Variants in TOR3A observed in about 807,000 individuals in gnomAD.
The protein encoded by TOR3A is torsin-3A.
In TOR3A, 44 loss-of-function variants were observed where a neutral mutation model predicts 42.1. The ratio of observed to expected loss-of-function variants is 1.04; its 90% CI spans 0.82 to 1.34. The LOEUF (loss-of-function observed/expected upper bound fraction) is 1.34. TOR3A is among the 40% of genes most tolerant of loss of function. The pLI is 0.00. For synonymous variants in TOR3A, 227 were observed against 213.2 expected (o/e 1.06, Z -0.57); for missense variants, 521 against 507.6 (o/e 1.03, Z -0.25).
rs771632462 is a variant in TOR3A at position 179,095,207 on chromosome 1, T to G, written c.1183T>G (p.Phe395Val). 3.0e-5 allele frequency: 49 copies of G among 1,613,988 alleles called. 1 individual carries two copies. The Admixed American group carries it at 3.5e-4, about 12-fold the overall frequency. Residue 395 changes from phenylalanine (F) to valine (V), a missense_variant, in exon 6 of 6, where the codon TTC becomes GTC. By Grantham distance (50) the Phe-to-Val change is conservative. Coordinates refer to ENST00000367627, the MANE Select transcript of TOR3A (RefSeq NM_022371.4). Reference protein sequence around the residue: ...CKSISQRINYFLS With the variant: ...CKSISQRINYVLS Reference sequence around the variant, plus strand: ...GTCTATTTCCCAGAGGATTAACTACTTCCTGTCATGAAGGCTAGAGGAAGA... The same window carrying G: ...GTCTATTTCCCAGAGGATTAACTACGTCCTGTCATGAAGGCTAGAGGAAGA...
chr1:179,090,828 T>C (rs1001260826), intron 4 of TOR3A, among the ~76,000 whole-genome samples: 4 of 152,256 alleles, frequency 2.6e-5, no homozygotes, highest in Non-Finnish European at 5.9e-5. Context: ...GCTGCTGCCC[T>C]GTTCTCATGG....
intron 5 of TOR3A, 100 bp from the exon 6 acceptor site, chr1:179,094,868 C>A: frequency 8.7e-7 from 1 of 1,154,306 alleles, no homozygotes; most frequent in Non-Finnish European, 1.3e-6. Flanking sequence ...ACAGAGCAAG[C>A]CCCTGTTTCA....
At chr1:179,093,460 C>T (rs1013412322) in intron 4 of TOR3A, among the ~76,000 whole-genome samples, 1 of 152,182 alleles carries the variant, frequency 6.6e-6, no homozygotes, top group Non-Finnish European at 1.5e-5. Flanking sequence ...GACCTCCTTT[C>T]ACTTCTCACA....
At chr1:179,091,289 C>T (rs1156898386) in intron 4 of TOR3A, among the ~76,000 whole-genome samples, 1 of 152,138 alleles carries the variant, frequency 6.6e-6, no homozygotes, top group South Asian at 2.1e-4. Flanking sequence ...TCCCAGCGAT[C>T]CAGGTCAGCA....
In TOR3A at chr1:179,095,179, C is replaced by T. The variant is rs1248871425; in HGVS notation, c.1155C>T (p.Cys385=). The T allele has an allele frequency of 6.2e-7, 1 of 1,613,992 alleles. No homozygotes were observed. The highest frequency in any genetic ancestry group is 1.3e-5 in the African/African-American group (1 of 74,882). Residue 385 remains cysteine, a synonymous_variant, in exon 6 of 6, where the codon TGC becomes TGT. Transcript: ENST00000367627. ...KEEQLFSSQG[C]KSISQRINYF... is the part of the protein sequence containing the mutation. ...AACAACTCTTTTCTTCCCAGGGCTG[C>T]AAGTCTATTTCCCAGAGGATTAACT...
chr1:179,085,975 C>T lies in TOR3A; in HGVS notation c.639+82C>T, dbSNP rs558726852. 301 of 1,535,936 alleles carry T rather than the reference C, an allele frequency of 2.0e-4. No individual in the cohort carries two copies. In the African/African-American group the frequency reaches 3.1e-3, roughly 16 times the overall value. On this transcript the variant is annotated intron_variant, in intron 3 of 5. Coordinates refer to ENST00000367627, the MANE Select transcript of TOR3A (RefSeq NM_022371.4). ...CAGCCCTTCCTTGCAAGGAAATGGGCTCTGGAGAAGCCTGGGGAGGTGGGG... is the reference window on the plus strand; with the variant it reads ...CAGCCCTTCCTTGCAAGGAAATGGGTTCTGGAGAAGCCTGGGGAGGTGGGG...
At position 179,085,731 on chromosome 1, in the gene TOR3A, GGCCCTT is replaced by G. The variant is rs1427619616; in HGVS notation, c.480_485del (p.Ala162_Leu163del). The G allele has an allele frequency of 1.2e-6, 2 of 1,614,244 alleles. No individual in the cohort carries two copies. On this transcript the variant is annotated inframe_deletion, in exon 3 of 6. Transcript: ENST00000367627. The stretch of plus-strand genomic sequence containing the variant: ...ACTTAGAGACGCCCCAGCCAGAAAA[GGCCCTT>G]GCTCTGTCGTTCCACGGCTGGTCTG...
rs1482231919 is a variant in TOR3A at position 179,095,801 on chromosome 1, G to A, written c.*583G>A. 2.0e-6 allele frequency: 2 copies of A among 987,300 alleles called. No homozygotes were observed. Among genetic ancestry groups the A allele is most frequent in the East Asian group, 1.1e-4 (1 of 8,838 alleles). The allele number at this position is 987,300 out of a possible 1,614,324, so 61.2% of individuals were successfully genotyped here. ...AAGCCAAGCTGCTTCTGTTGTGAGC[G>A]AATCAGCCAAGAGCCTGAGGCTGAA... is the stretch of plus-strand genomic sequence containing the variant. On this transcript the variant is annotated 3_prime_UTR_variant, in exon 6 of 6. Transcript: ENST00000367627.
chr1:179,094,284 A>C, intron 5 of TOR3A, 67 bp downstream of exon 5: 1 of 1,552,902 alleles, frequency 6.4e-7, no homozygotes, highest in Non-Finnish European at 8.7e-7. Context: ...TGTTTGTTGG[A>C]ATGTGTGTTT....
At chr1:179,093,217 G>A (rs1488889077) in intron 4 of TOR3A, among the ~76,000 whole-genome samples, 3 of 152,222 alleles carry the variant, frequency 2.0e-5, no homozygotes, top group East Asian at 1.9e-4. Flanking sequence ...TGGCTCTACG[G>A]TTGCATCTTC....
Position 179,095,446 on chromosome 1 carries a change from TG to T in TOR3A, c.*229del, listed in dbSNP as rs751655508. On this transcript the variant is annotated 3_prime_UTR_variant, in exon 6 of 6. Coordinates refer to ENST00000367627, the MANE Select transcript of TOR3A (RefSeq NM_022371.4). ...CACCGAGATAGATAGGAACTTGGAT[TG>T]CTGAATTCAAAAACAGAGCCCATTC... 17 of 1,386,724 alleles carry T rather than the reference TG, an allele frequency of 1.2e-5. No individual in the cohort carries two copies. Among genetic ancestry groups the T allele is most frequent in the Non-Finnish European group, 1.5e-5 (16 of 1,073,866 alleles). The allele number at this position is 1,386,724 out of a possible 1,614,324, so 85.9% of individuals were successfully genotyped here.
intron 3 of TOR3A, 115 bp downstream of exon 3, chr1:179,086,008 G>A (rs1652424960): frequency 1.5e-6 from 2 of 1,334,532 alleles, no homozygotes; most frequent in African/African-American, 2.9e-5. Context: ...GGGACAGGTG[G>A]CAGAACCTGT....
intron 2 of TOR3A, among the ~76,000 whole-genome samples, chr1:179,083,705 T>C (rs1024335178): frequency 6.6e-6 from 1 of 151,566 alleles, no homozygotes; most frequent in Non-Finnish European, 1.5e-5. Context: ...CACTGTGCCA[T>C]GGCAACCAGT....
intron 4 of TOR3A, among the ~76,000 whole-genome samples, chr1:179,090,499 C>A (rs1652552267): frequency 6.6e-6 from 1 of 152,246 alleles, no homozygotes; most frequent in African/African-American, 2.4e-5. Flanking sequence ...ACAGCTGATT[C>A]AAACTGCTAG....
chr1:179,082,394 C>T lies in TOR3A; in HGVS notation c.259+7C>T, dbSNP rs780487897. ...GCAGCCACGGGGCCCCTGGGTAAGACCCCGTCCCCACGGTCCGCCGTTCGC... is the reference window on the plus strand; with the variant it reads ...GCAGCCACGGGGCCCCTGGGTAAGATCCCGTCCCCACGGTCCGCCGTTCGC... On this transcript the variant is annotated splice_region_variant and intron_variant, in intron 1 of 5. Coordinates refer to ENST00000367627, the MANE Select transcript of TOR3A (RefSeq NM_022371.4). 2 of 1,595,656 alleles carry T rather than the reference C, an allele frequency of 1.3e-6. No individual in the cohort carries two copies. Among genetic ancestry groups the T allele is most frequent in the Non-Finnish European group, 1.7e-6 (2 of 1,173,860 alleles).
chr1:179,086,642 G>A lies in TOR3A; in HGVS notation c.639+749G>A, dbSNP rs1652444624. Among the ~76,000 whole-genome samples, 5 of 147,370 alleles carry A rather than the reference G, an allele frequency of 3.4e-5. No homozygotes were observed. In the South Asian group the frequency reaches 1.1e-3, roughly 32 times the overall value. The stretch of plus-strand genomic sequence containing the variant: ...GATCGTGCCGCTGCACTCCAGCCTG[G>A]GCAACAGAGCAAGACTCCATCTCAA... On this transcript the variant is annotated intron_variant, in intron 3 of 5. Transcript: ENST00000367627.
intron 2 of TOR3A, 38 bp from the exon 3 acceptor site, chr1:179,085,590 T>G (rs1652410678): frequency 1.2e-6 from 2 of 1,605,736 alleles, no homozygotes; most frequent in Non-Finnish European, 1.7e-6. Context: ...TGGGCCTGTG[T>G]GTGCCTTTTG....
intron 2 of TOR3A, among the ~76,000 whole-genome samples, chr1:179,083,805 G>C (rs1276175628): frequency 1.3e-5 from 2 of 152,100 alleles, no homozygotes; most frequent in African/African-American, 2.4e-5. Context: ...CCCATGTTCT[G>C]AAACCTGTTC....
chr1:179,082,585 C>T (rs1263852440), intron 1 of TOR3A, 198 bp downstream of exon 1: 13 of 815,474 alleles, frequency 1.6e-5, no homozygotes, highest in Non-Finnish European at 2.6e-5. Flanking sequence ...CACCCGCGTC[C>T]CCTGCGCACC....
Sources: gnomAD v4.1 joint callset for allele counts (sites outside exome capture counted in the v4.1 genomes callset) on GRCh38, gnomAD v4.1.1 for gene constraint, MANE v1.5 for transcripts, NCBI Gene and HGNC (gene_info 2026-07-23, HGNC 2026-07-21) for gene names.